Variants in UBR2 observed in about 807,000 individuals in gnomAD.
The protein encoded by UBR2 is ubiquitin protein ligase E3 component n-recognin 2, also known as E3 ubiquitin-protein ligase UBR2.
A neutral mutation model predicts 247.9 loss-of-function variants in UBR2; 92 were observed. The ratio of observed to expected loss-of-function variants is 0.37; its 90% CI spans 0.31 to 0.44. UBR2 has a LOEUF of 0.44. UBR2 is among the 20% of genes least tolerant of loss of function. UBR2 has a pLI of 1.00. For missense variants in UBR2, 1,613 were observed against 2,112.6 expected, an observed-to-expected ratio of 0.76 and a Z score of 4.64; for synonymous variants, 672 against 693.5, an observed-to-expected ratio of 0.97 and a Z score of 0.49.
At chr6:42,682,377 G>C (rs558626585) in intron 42 of UBR2, among the ~76,000 whole-genome samples, 1 of 152,010 alleles carries the variant, frequency 6.6e-6, no homozygotes, top group African/African-American at 2.4e-5. Context: ...CAGAACATTA[G>C]ACTTTGAAGT....
At position 42,564,292 on chromosome 6, in the gene UBR2, G is replaced by T. The variant is rs1280820766; in HGVS notation, c.-28G>T. 1 of 1,598,458 alleles carries T rather than the reference G, an allele frequency of 6.3e-7. No homozygotes were observed. The highest frequency in any genetic ancestry group is 2.3e-5 in the East Asian group (1 of 44,144). ...TGAGGCTGCAGCTCTCCGGGCGGCG[G>T]TAGCGCTGGGGAGGAGGAGGAGAGA... is the stretch of plus-strand genomic sequence containing the variant. On this transcript the variant is annotated 5_prime_UTR_variant, in exon 1 of 47. Transcript: ENST00000372901.
intron 11 of UBR2, among the ~76,000 whole-genome samples, chr6:42,626,594 T>C (rs1795363879): frequency 6.6e-6 from 1 of 152,162 alleles, no homozygotes. Context: ...TTTAGTCCAG[T>C]CAAGGATTTA....
At chr6:42,581,442 C>T (rs747077107) in intron 2 of UBR2, among the ~76,000 whole-genome samples, 5 of 152,138 alleles carry the variant, frequency 3.3e-5, no homozygotes, top group Admixed American at 2.0e-4. Flanking sequence ...CTGGCCCCCT[C>T]GGCCTCCCAG....
chr6:42,605,373 A>G (rs547994580), intron 5 of UBR2, among the ~76,000 whole-genome samples: 1 of 152,316 alleles, frequency 6.6e-6, no homozygotes, highest in African/African-American at 2.4e-5. Flanking sequence ...CCAAATGGTC[A>G]ACTATGAGAG....
intron 16 of UBR2, among the ~76,000 whole-genome samples, chr6:42,640,555 A>G (rs1283444277): frequency 6.6e-6 from 1 of 151,992 alleles, no homozygotes; most frequent in Non-Finnish European, 1.5e-5. Flanking sequence ...AGACTGGCAG[A>G]CTGGAGAGAC....
rs1171217462 is a variant in UBR2, at chr6:42,617,196, T to A, written c.1183-213T>A. 3.2e-6 allele frequency: 5 copies of A among 1,562,706 alleles called. No individual in the cohort carries two copies. The East Asian group carries it at 9.0e-5, about 28-fold the overall frequency. On this transcript the variant is annotated intron_variant, in intron 10 of 46. Coordinates refer to ENST00000372901, the MANE Select transcript of UBR2 (RefSeq NM_001363705.2). Reference sequence around the variant, plus strand: ...ACTTTTCATTATAATCCTTAAACATTTGGTCATTGTGGATTAGAGGTGAAT... The same window carrying A: ...ACTTTTCATTATAATCCTTAAACATATGGTCATTGTGGATTAGAGGTGAAT...
At chr6:42,643,335 C>T (rs1796552797) in intron 18 of UBR2, among the ~76,000 whole-genome samples, 1 of 152,184 alleles carries the variant, frequency 6.6e-6, no homozygotes, top group Non-Finnish European at 1.5e-5. Flanking sequence ...GAGGCTCACA[C>T]CTGTAATCCC....
At chr6:42,570,927 C>G (rs1046298493) in intron 1 of UBR2, among the ~76,000 whole-genome samples, 1 of 151,790 alleles carries the variant, frequency 6.6e-6, no homozygotes, top group Admixed American at 6.6e-5. Context: ...CTCAAATGAG[C>G]CACCCGCCTT....
At chr6:42,690,993 C>T (rs1417359655) in intron 46 of UBR2, 39 bp from the exon 47 acceptor site, 1 of 1,610,564 alleles carries the variant, frequency 6.2e-7, no homozygotes, top group South Asian at 1.1e-5. Context: ...GAGGAATAAA[C>T]AGAACACATT....
At chr6:42,625,063 A>C (rs1342861498) in intron 11 of UBR2, among the ~76,000 whole-genome samples, 1 of 152,214 alleles carries the variant, frequency 6.6e-6, no homozygotes, top group Non-Finnish European at 1.5e-5. Flanking sequence ...GACAGCTTGG[A>C]GGTTAGAAGC....
Position 42,659,520 on chromosome 6 carries a change from T to TACACAC in UBR2, c.3243-99_3243-94dup, listed in dbSNP as rs59248267. 6.2e-5 allele frequency: 31 copies of TACACAC among 503,070 alleles called. No individual in the cohort carries two copies. The highest frequency in any genetic ancestry group is 3.3e-4 in the Admixed American group (9 of 27,408). 31.2% of individuals were successfully genotyped at this position (503,070 alleles called of 1,614,324 possible). A position where few individuals can be genotyped will look rare whatever the true frequency, so the allele number is the denominator to read the frequency against. On this transcript the variant is annotated intron_variant, in intron 29 of 46. Transcript: ENST00000372901. The surrounding 1 kb of genome is among the most constrained non-coding windows in gnomAD (Gnocchi z 4.3). ...GTCTCAAAAAATAAATAAATATATA[T>TACACAC]ACACACACACACACACACACACACA...
At chr6:42,679,696 G>A (rs371824757) in intron 41 of UBR2, 28 bp from the exon 42 acceptor site, 48 of 1,504,524 alleles carry the variant, frequency 3.2e-5, no homozygotes, top group Non-Finnish European at 4.4e-5. Flanking sequence ...GTTGTTATAT[G>A]CACTCTTTTC....
chr6:42,678,192 C>G (rs769983813), intron 40 of UBR2, among the ~76,000 whole-genome samples: 1 of 151,960 alleles, frequency 6.6e-6, no homozygotes. Context: ...AAAAATTAGC[C>G]GGGCGTGGTG....
chr6:42,628,892 A>T (rs1795518684), intron 11 of UBR2, among the ~76,000 whole-genome samples: 1 of 152,066 alleles, frequency 6.6e-6, no homozygotes, highest in Non-Finnish European at 1.5e-5. Flanking sequence ...TATTTTTCAG[A>T]GTCTTACGGG....
At position 42,593,644 on chromosome 6, in the gene UBR2, T is replaced by C. The variant is rs547463718; in HGVS notation, c.418-547T>C. On this transcript the variant is annotated intron_variant, in intron 3 of 46. Coordinates refer to ENST00000372901, the MANE Select transcript of UBR2 (RefSeq NM_001363705.2). ...TGAACATTGCAGGTGGTGAAAAGCT[T>C]TTATTAGGCAGTCTACTTTTGCATT... Among the ~76,000 whole-genome samples, 24 of 152,260 alleles carry C rather than the reference T, an allele frequency of 1.6e-4. No individual in the cohort carries two copies. The South Asian group carries it at 4.8e-3, about 30-fold the overall frequency.
At position 42,663,974 on chromosome 6, in the gene UBR2, C is replaced by A. The variant is rs139476035; in HGVS notation, c.3698+555C>A. 3.4e-4 allele frequency among the ~76,000 whole-genome samples: 52 copies of A among 152,210 alleles called. 1 individual carries two copies. The East Asian group carries it at 9.5e-3, about 28-fold the overall frequency. ...AGGAGTTCAAGACCAGCCTGGGCAA[C>A]ATAGTGAGACCCTGTCTGTACAAAA... On this transcript the variant is annotated intron_variant, in intron 32 of 46. Coordinates refer to ENST00000372901, the MANE Select transcript of UBR2 (RefSeq NM_001363705.2).
intron 2 of UBR2, among the ~76,000 whole-genome samples, chr6:42,580,875 A>G (rs1422148277): frequency 3.9e-5 from 6 of 151,986 alleles, no homozygotes; most frequent in Non-Finnish European, 7.4e-5. Flanking sequence ...TTAACCTTAT[A>G]TGATTTATGT....
intron 4 of UBR2, among the ~76,000 whole-genome samples, chr6:42,599,122 A>G (rs1793186394): frequency 6.6e-6 from 1 of 152,172 alleles, no homozygotes; most frequent in Admixed American, 6.5e-5. Flanking sequence ...TAAATAAGAA[A>G]TATTAACTGA....
intron 30 of UBR2, among the ~76,000 whole-genome samples, chr6:42,660,840 G>A (rs1458233809): frequency 1.3e-5 from 2 of 151,492 alleles, no homozygotes; most frequent in African/African-American, 2.4e-5. Flanking sequence ...GGTGGCACGC[G>A]CCTGTAGTCC....
Sources: allele counts gnomAD v4.1 joint callset (sites outside exome capture counted in the v4.1 genomes callset), GRCh38; gene constraint gnomAD v4.1.1; non-coding constraint Gnocchi (gnomAD v3.1); transcripts MANE v1.5; gene names NCBI Gene and HGNC (gene_info 2026-07-23, HGNC 2026-07-21).